Variants in SPECC1 observed in about 807,000 individuals in gnomAD.
The protein encoded by SPECC1 is cytospin-B.
Under a neutral mutation model 104.1 loss-of-function variants are expected in SPECC1, and 62 were observed. The ratio of observed to expected loss-of-function variants is 0.60; its 90% CI spans 0.49 to 0.74. The LOEUF is 0.74. Ranked by LOEUF, SPECC1 falls within the 30% of genes least tolerant of loss-of-function variation. SPECC1 has a pLI of 0.00. For missense variants in SPECC1, 1,306 were observed against 1,310.5 expected (o/e 1.00, Z 0.05); for synonymous variants, 513 against 501.6 (o/e 1.02, Z -0.30).
intron 3 of SPECC1, among the ~76,000 whole-genome samples, chr17:20,200,399 A>ATC (rs1431587910): frequency 6.6e-6 from 1 of 152,220 alleles, no homozygotes; most frequent in Non-Finnish European, 1.5e-5. Flanking sequence ...GATTGTGTTA[A>ATC]TCTTCATAAT....
intron 1 of SPECC1, among the ~76,000 whole-genome samples, chr17:20,046,505 C>T (rs1466211470): frequency 6.6e-6 from 1 of 151,966 alleles, no homozygotes; most frequent in East Asian, 1.9e-4. Context: ...AAATCCCTGC[C>T]CCTCTGGAGT....
intron 3 of SPECC1, among the ~76,000 whole-genome samples, chr17:20,177,997 C>T (rs1597892225): frequency 1.3e-5 from 2 of 152,054 alleles, no homozygotes; most frequent in South Asian, 4.2e-4. Context: ...GCATGAGCCA[C>T]CTCACCCAGC....
chr17:20,043,180 T>C (rs1194960454), intron 1 of SPECC1, among the ~76,000 whole-genome samples: 1 of 152,154 alleles, frequency 6.6e-6, no homozygotes, highest in Non-Finnish European at 1.5e-5. Context: ...GGCGAGAAGC[T>C]GTGTGGGCGA....
At chr17:20,077,231 T>C (rs1431232345) in intron 1 of SPECC1, among the ~76,000 whole-genome samples, 1 of 152,232 alleles carries the variant, frequency 6.6e-6, no homozygotes, top group Non-Finnish European at 1.5e-5. Flanking sequence ...TAGTATTTTC[T>C]TTCATGGATG....
chr17:20,246,444 C>T (rs1201483535), intron 8 of SPECC1, among the ~76,000 whole-genome samples: 2 of 152,176 alleles, frequency 1.3e-5, no homozygotes, highest in African/African-American at 2.4e-5. Flanking sequence ...TCCTAGGAAA[C>T]GAGACATCAC....
intron 1 of SPECC1, among the ~76,000 whole-genome samples, chr17:20,043,833 CGTA>C (rs1307294172): frequency 6.6e-6 from 1 of 152,112 alleles, no homozygotes; most frequent in Non-Finnish European, 1.5e-5. Context: ...AGTAGTTACT[CGTA>C]GTCACAACTG....
At chr17:20,283,692 T>C (rs1567606007) in intron 12 of SPECC1, among the ~76,000 whole-genome samples, 1 of 152,090 alleles carries the variant, frequency 6.6e-6, no homozygotes, top group Non-Finnish European at 1.5e-5. Context: ...GCTCAAGCAG[T>C]CCTCCCACCT....
At chr17:20,082,982 G>A (rs918392196) in intron 1 of SPECC1, among the ~76,000 whole-genome samples, 6 of 151,080 alleles carry the variant, frequency 4.0e-5, no homozygotes, top group Admixed American at 1.3e-4. Flanking sequence ...TCGTTCGTTC[G>A]TTCGTTCGTT....
chr17:20,108,070 A>G (rs1252666983), intron 2 of SPECC1, among the ~76,000 whole-genome samples: 8 of 152,186 alleles, frequency 5.3e-5, no homozygotes, highest in African/African-American at 1.9e-4. Context: ...CTGTTTAATG[A>G]GTAGACTTTA....
chr17:20,080,885 G>T (rs758819951), intron 1 of SPECC1, among the ~76,000 whole-genome samples: 9 of 152,094 alleles, frequency 5.9e-5, no homozygotes, highest in East Asian at 1.9e-4. Flanking sequence ...GTGCAGGGGG[G>T]GGTGGTCACT....
In SPECC1 at chr17:20,205,606, G is replaced by A; in HGVS notation, c.1557G>A (p.Leu519=). ...IKRLKEENEK[L]NEFLELERHN... ...GTCTGAAGGAAGAAAATGAAAAACT[G>A]AATGAGTTTCTAGAACTGGAACGGC... Residue 519 remains leucine (L), a synonymous_variant, in exon 4 of 15, where the codon CTG becomes CTA. Coordinates refer to ENST00000395527, the MANE Select transcript of SPECC1 (RefSeq NM_001243439.2). 1 of 1,614,128 alleles carries A rather than the reference G, an allele frequency of 6.2e-7. No individual in the cohort carries two copies. Among genetic ancestry groups the A allele is most frequent in the Non-Finnish European group, 8.5e-7 (1 of 1,180,018 alleles).
At chr17:20,256,833 C>G (rs2039850517) in intron 10 of SPECC1, among the ~76,000 whole-genome samples, 1 of 152,140 alleles carries the variant, frequency 6.6e-6, no homozygotes, top group Non-Finnish European at 1.5e-5. Context: ...GGCAACACGG[C>G]AAGACCCTGT....
chr17:20,110,197 A>C (rs1395234655), intron 2 of SPECC1, among the ~76,000 whole-genome samples: 1 of 152,188 alleles, frequency 6.6e-6, no homozygotes, highest in East Asian at 1.9e-4. Context: ...GCACAGTCTT[A>C]GACACTGCTC....
At chr17:20,095,810 C>T (rs2047618374) in intron 1 of SPECC1, 1 of 152,754 alleles carries the variant, frequency 6.5e-6, no homozygotes, top group Admixed American at 6.5e-5. Flanking sequence ...ACCCTGAGTC[C>T]ATGGGGACAG....
chr17:20,224,338 A>G (rs1291626321), intron 4 of SPECC1, among the ~76,000 whole-genome samples: 3 of 152,136 alleles, frequency 2.0e-5, no homozygotes, highest in Non-Finnish European at 2.9e-5. Context: ...TGTGGTGACT[A>G]TTGCCTGGCT....
chr17:20,177,281 G>A (rs1255143274), intron 3 of SPECC1, among the ~76,000 whole-genome samples: 2 of 152,232 alleles, frequency 1.3e-5, no homozygotes, highest in African/African-American at 2.4e-5. Flanking sequence ...AAACTAGAAT[G>A]TGCTGTGATA....
At position 20,205,047 on chromosome 17, in the gene SPECC1, A is replaced by G. The variant is rs1422606730; in HGVS notation, c.998A>G (p.His333Arg). Residue 333 changes from histidine (H) to arginine (R), a missense_variant, in exon 4 of 15, where the codon CAC (histidine) becomes CGC (arginine). His to Arg is a conservative substitution (Grantham distance 29, BLOSUM62 0). Around this residue, in one of 2 missense-constraint regions of SPECC1, gnomAD observed 1,177 missense variants for 1,139.9 expected, o/e 1.03. Transcript: ENST00000395527. ...TCGCCAGATGCTTCCGACTTTGAGC[A>G]CATTACAGCAGAGACACCCTCAAGG... The part of the protein sequence containing the change: ...SLSPDASDFE[H>R]ITAETPSRPL... The G allele has an allele frequency of 1.2e-6, 2 of 1,614,028 alleles. No individual in the cohort carries two copies. The highest frequency in any genetic ancestry group is 1.3e-5 in the African/African-American group (1 of 74,932).
chr17:20,284,938 T>C (rs929846951), intron 12 of SPECC1, among the ~76,000 whole-genome samples: 4 of 152,150 alleles, frequency 2.6e-5, no homozygotes, highest in Admixed American at 6.6e-5. Context: ...TTGCAGTTAG[T>C]GTACACAGAG....
At chr17:20,016,560 G>A (rs1285563542) in intron 1 of SPECC1, among the ~76,000 whole-genome samples, 1 of 152,210 alleles carries the variant, frequency 6.6e-6, no homozygotes, top group Admixed American at 6.5e-5. Context: ...CGCACTGGGA[G>A]CGGCCGGCCA....
Sources: gnomAD v4.1 joint callset for allele counts (sites outside exome capture counted in the v4.1 genomes callset) on GRCh38, gnomAD v4.1.1 for gene constraint, gnomAD v4.1.1 regional missense constraint, MANE v1.5 for transcripts, NCBI Gene and HGNC (gene_info 2026-07-23, HGNC 2026-07-21) for gene names.